RGS6: variants seen among roughly 807,000 people sequenced by gnomAD.
RGS6 encodes regulator of G-protein signaling 6.
RGS6 carries 30 observed loss-of-function variants against 78.5 expected under a neutral mutation model. The observed-to-expected ratio is 0.38, with a 90% confidence interval of 0.29 to 0.52. The LOEUF is 0.52. RGS6 is among the 20% of genes least tolerant of loss of function. The pLI is 0.85. For missense variants in RGS6, 495 were observed against 609.7 expected, an observed-to-expected ratio of 0.81 and a Z score of 1.98; for synonymous variants, 206 against 206.0, an observed-to-expected ratio of 1.00 and a Z score of 0.00.
intron 2 of RGS6, among the ~76,000 whole-genome samples, chr14:72,342,357 G>A (rs189399845): frequency 2.6e-5 from 4 of 152,176 alleles, no homozygotes; most frequent in Admixed American, 2.0e-4. Context: ...CTTGAGTTCA[G>A]GAGTTTGAGA....
At chr14:72,090,125 A>T (rs935945120) in intron 2 of RGS6, among the ~76,000 whole-genome samples, 3 of 150,212 alleles carry the variant, frequency 2.0e-5, no homozygotes, top group Non-Finnish European at 4.4e-5. Flanking sequence ...AAAAAAAAAA[A>T]AAAATAAAGC....
chr14:72,227,446 A>G (rs2048386274), intron 2 of RGS6, among the ~76,000 whole-genome samples: 1 of 152,184 alleles, frequency 6.6e-6, no homozygotes, highest in Non-Finnish European at 1.5e-5. Context: ...AGACATCTAA[A>G]TTAAGACTAC....
intron 3 of RGS6, among the ~76,000 whole-genome samples, chr14:72,417,162 C>T (rs1260447969): frequency 6.6e-6 from 1 of 152,216 alleles, no homozygotes; most frequent in Non-Finnish European, 1.5e-5. Context: ...CTGGTTTCTT[C>T]AGCGCTCCCT....
chr14:72,152,396 C>T (rs1051389126), intron 2 of RGS6, among the ~76,000 whole-genome samples: 1 of 151,980 alleles, frequency 6.6e-6, no homozygotes, highest in Non-Finnish European at 1.5e-5. Flanking sequence ...TCAGTTTGCT[C>T]CAGAGGGTAG....
chr14:71,990,527 C>T (rs1335217959), intron 2 of RGS6: 31 of 445,958 alleles, frequency 7.0e-5, no homozygotes, highest in Non-Finnish European at 1.8e-5. Flanking sequence ...TGAAACAGCT[C>T]ATTTTAAGCA....
chr14:72,132,279 CT>C (rs529374337), intron 2 of RGS6, among the ~76,000 whole-genome samples: 699 of 137,840 alleles, frequency 5.1e-3, no homozygotes, highest in Admixed American at 5.2e-3. Flanking sequence ...TCTTCTTCTT[CT>C]TTTTTTTTTT....
At chr14:72,485,263 C>T (rs1279307803) in intron 12 of RGS6, among the ~76,000 whole-genome samples, 2 of 152,140 alleles carry the variant, frequency 1.3e-5, no homozygotes, top group African/African-American at 4.8e-5. Flanking sequence ...GCTTTTCTGC[C>T]ACTCACACCC....
chr14:72,244,193 G>A (rs1043096971), intron 2 of RGS6, among the ~76,000 whole-genome samples: 2 of 151,576 alleles, frequency 1.3e-5, no homozygotes, highest in African/African-American at 2.4e-5. Flanking sequence ...GGCAAGGAAA[G>A]TTATCAGTCA....
intron 12 of RGS6, among the ~76,000 whole-genome samples, chr14:72,482,872 AG>A (rs1358818222): frequency 2.0e-5 from 3 of 152,266 alleles, no homozygotes; most frequent in Non-Finnish European, 2.9e-5. Flanking sequence ...CTACCACACC[AG>A]GAAATCAAAT....
rs927726142 is a variant in RGS6 at position 72,212,357 on chromosome 14, C to T, written c.85-139738C>T. ...ACTTACTTTAGCTAAGCTGACCTTG[C>T]TGAATTGCCTGTGTTAGCTGCCAAC... On this transcript the variant is annotated intron_variant, in intron 2 of 17. Coordinates refer to ENST00000553525, the MANE Select transcript of RGS6 (RefSeq NM_001204424.2). 2.6e-5 allele frequency among the ~76,000 whole-genome samples: 4 copies of T among 152,200 alleles called. No individual in the cohort carries two copies. The South Asian group carries it at 8.3e-4, about 32-fold the overall frequency.
intron 2 of RGS6, among the ~76,000 whole-genome samples, chr14:72,110,901 C>T (rs2095746003): frequency 6.6e-6 from 1 of 152,156 alleles, no homozygotes; most frequent in Non-Finnish European, 1.5e-5. Context: ...CTAGCAGCCT[C>T]TGACCTTGCT....
chr14:72,250,263 T>C (rs908278598), intron 2 of RGS6, among the ~76,000 whole-genome samples: 1 of 152,038 alleles, frequency 6.6e-6, no homozygotes, highest in African/African-American at 2.4e-5. Context: ...TAACTGTGTT[T>C]TCTTCTGTTT....
At chr14:72,176,992 G>C (rs911181915) in intron 2 of RGS6, among the ~76,000 whole-genome samples, 1 of 152,080 alleles carries the variant, frequency 6.6e-6, no homozygotes, top group Non-Finnish European at 1.5e-5. Context: ...AATGATATGT[G>C]TACTTTTTTG....
chr14:72,404,076 G>A (rs1184205349), intron 3 of RGS6, among the ~76,000 whole-genome samples: 2 of 152,240 alleles, frequency 1.3e-5, no homozygotes, highest in East Asian at 3.8e-4. Context: ...GGGATGGACA[G>A]TCATGCACAG....
chr14:72,512,187 G>A (rs985270097), intron 14 of RGS6, among the ~76,000 whole-genome samples: 6 of 152,100 alleles, frequency 3.9e-5, no homozygotes, highest in East Asian at 1.9e-4. Flanking sequence ...CTCTAAGCCC[G>A]TAAGTAGCCT....
At chr14:72,536,462 G>A (rs568042497) in intron 16 of RGS6, among the ~76,000 whole-genome samples, 187 bp downstream of exon 16, 1 of 152,244 alleles carries the variant, frequency 6.6e-6, no homozygotes, top group Non-Finnish European at 1.5e-5. Flanking sequence ...CCCACTGCAA[G>A]GTCCAGGATG....
chr14:72,568,397 G>C (rs1410594159), downstream of RGS6, among the ~76,000 whole-genome samples: 1 of 152,226 alleles, frequency 6.6e-6, no homozygotes, highest in Non-Finnish European at 1.5e-5. Context: ...GGGAGGGTAT[G>C]TTTGCAAATC....
Position 72,540,041 on chromosome 14 carries a change from C to T in RGS6, c.1369C>T (p.Pro457Ser). The change falls in exon 17 of 18, where the codon CCA (proline) becomes TCA (serine). Residue 457 changes from proline to serine, a missense_variant and splice_region_variant. By Grantham distance (74) the Pro-to-Ser change is moderately conservative. Coordinates refer to ENST00000553525, the MANE Select transcript of RGS6 (RefSeq NM_001204424.2). ...YQDLLLAKKK[P>S]ESEQGRRTSL... ...CTACCCTTTTTTTTTTTTCCTAAAG[C>T]CAGAAAGTGAGCAAGGTCGTAGAAC... is the stretch of plus-strand genomic sequence containing the variant. The T allele has an allele frequency of 6.4e-7, 1 of 1,573,222 alleles. No homozygotes were observed. The highest frequency in any genetic ancestry group is 8.5e-7 in the Non-Finnish European group (1 of 1,171,406).
At chr14:72,572,137 T>C in the RGS6 span, among the ~76,000 whole-genome samples, 1 of 152,126 alleles carries the variant, frequency 6.6e-6, no homozygotes, top group African/African-American at 2.4e-5. Flanking sequence ...ATGGCTATAA[T>C]AAAAAAGGCA....
Sources: allele counts gnomAD v4.1 joint callset (sites outside exome capture counted in the v4.1 genomes callset), GRCh38; gene constraint gnomAD v4.1.1; transcripts MANE v1.5; gene names NCBI Gene and HGNC (gene_info 2026-07-23, HGNC 2026-07-21).